The following SMPD4 variants were observed in gnomAD, a reference collection of about 807,000 sequenced individuals.
SMPD4 encodes the protein neutral sphingomyelinase 3.
In SMPD4, 58 loss-of-function variants were observed where a neutral mutation model predicts 97.8. The observed-to-expected ratio is 0.59, with a 90% CI of 0.48 to 0.74. The LOEUF is 0.74. Ranked by LOEUF, SMPD4 falls within the 30% of genes least tolerant of loss-of-function variation. The probability of loss-of-function intolerance (pLI) is 0.00; values close to 1 mark genes in which losing one functional copy is unlikely to be tolerated. For missense variants in SMPD4, 853 were observed against 1,080.5 expected (o/e 0.79, Z 2.95); for synonymous variants, 388 against 450.0 (o/e 0.86, Z 1.74).
At chr2:130,176,852 C>CT (rs1001812883) in intron 1 of SMPD4, among the ~76,000 whole-genome samples, 1 of 151,926 alleles carries the variant, frequency 6.6e-6, no homozygotes, top group Non-Finnish European at 1.5e-5. Flanking sequence ...TAATTTTCTT[C>CT]TTTTTTGAGA....
At chr2:130,176,452 A>G (rs1573732299) in intron 2 of SMPD4, 102 bp downstream of exon 2, 1 of 914,660 alleles carries the variant, frequency 1.1e-6, no homozygotes, top group Middle Eastern at 2.3e-4. Context: ...CCCCTAAAAA[A>G]CAACCACTAC....
rs1288218390 is a variant in SMPD4, at chr2:130,153,705, G to T, written c.1890C>A (p.Phe630Leu). 2 of 1,613,430 alleles carry T rather than the reference G, an allele frequency of 1.2e-6. No homozygotes were observed. Among genetic ancestry groups the T allele is most frequent in the African/African-American group, 1.3e-5 (1 of 74,924 alleles). ...EKALEYLRQI[F>L]RLSEAQLRQF... ...GGGCAGGCCCCATAGCTCGTACCCG[G>T]AATATCTGGCGCAGGTACTCCAGGG... The change falls in exon 17 of 20, where the codon TTC (phenylalanine) becomes TTA (leucine). Residue 630 changes from phenylalanine to leucine, a missense_variant. Around this residue, in one of 3 missense-constraint regions of SMPD4, gnomAD observed 511 missense variants for 608.1 expected, o/e 0.84. Coordinates refer to ENST00000680298, the MANE Select transcript of SMPD4 (RefSeq NM_017951.5).
intron 11 of SMPD4, chr2:130,158,142 TAAG>T (rs1687015852): frequency 1.6e-6 from 2 of 1,213,764 alleles, no homozygotes; most frequent in Non-Finnish European, 2.1e-6. Context: ...GGTTCAAAAA[TAAG>T]AACCCCATGG....
intron 1 of SMPD4, among the ~76,000 whole-genome samples, chr2:130,178,340 C>G (rs772330949): frequency 1.3e-5 from 2 of 152,136 alleles, no homozygotes; most frequent in African/African-American, 4.8e-5. Flanking sequence ...TTCACTTACC[C>G]CCACCCAGCT....
chr2:130,177,368 CAACA>C (rs1689069689), intron 1 of SMPD4, among the ~76,000 whole-genome samples: 3 of 152,120 alleles, frequency 2.0e-5, no homozygotes, highest in Admixed American at 2.0e-4. Flanking sequence ...AGGTGTGAGC[CAACA>C]CGCCTGGCCA....
intron 11 of SMPD4, among the ~76,000 whole-genome samples, chr2:130,159,844 C>A (rs994841255): frequency 3.3e-5 from 5 of 152,092 alleles, no homozygotes; most frequent in African/African-American, 9.7e-5. Context: ...GGGAAGACCT[C>A]CACATGTGAA....
rs781556801 is a variant in SMPD4, at chr2:130,172,791, G to A, written c.450C>T (p.Ala150=). 3 of 1,614,146 alleles carry A rather than the reference G, an allele frequency of 1.9e-6. No homozygotes were observed. Among genetic ancestry groups the A allele is most frequent in the South Asian group, 1.1e-5 (1 of 91,080 alleles). ...TPTGGLGLNL[A]LNPFEYYIFF... is the part of the protein sequence containing the mutation. ...CTCAGGGCCACCAAAGGATACTCAGGGCCAAGTTCAGACCAAGGCCCCCAG... is the reference window on the plus strand; with the variant it reads ...CTCAGGGCCACCAAAGGATACTCAGAGCCAAGTTCAGACCAAGGCCCCCAG... The change falls in exon 6 of 20, where the codon GCC becomes GCT. Residue 150 remains alanine (A), a synonymous_variant. Coordinates refer to ENST00000680298, the MANE Select transcript of SMPD4 (RefSeq NM_017951.5).
chr2:130,176,224 T>C (rs1234449652), intron 2 of SMPD4, among the ~76,000 whole-genome samples: 1 of 152,220 alleles, frequency 6.6e-6, no homozygotes, highest in Non-Finnish European at 1.5e-5. Flanking sequence ...ATTAGAATAC[T>C]TCATATCTAT....
In SMPD4 at chr2:130,167,506, A is replaced by G; in HGVS notation, c.744T>C (p.Asn248=). The G allele has an allele frequency of 6.2e-7, 1 of 1,613,822 alleles. No homozygotes were observed. ...AGATCTCGTGGGAGGCGGGGTCTGC[A>G]TTCACAGACGTCTGATGAGAGATGT... ...KRHISHQTSV[N]ADPASHEIWR... Residue 248 remains asparagine (N), a synonymous_variant, in exon 9 of 20, where the codon AAT becomes AAC. Coordinates refer to ENST00000680298, the MANE Select transcript of SMPD4 (RefSeq NM_017951.5).
rs1228860224 is a variant in SMPD4, at chr2:130,155,985, A to G, written c.1289+50T>C. On this transcript the variant is annotated intron_variant, in intron 14 of 19. Transcript: ENST00000680298. ...CTTGGCCTCCACCCACTGGAACAAT[A>G]TCCACCTGGGGGAGCCAGTGGCATG... is the stretch of plus-strand genomic sequence containing the variant. 2.5e-6 allele frequency: 4 copies of G among 1,572,790 alleles called. No homozygotes were observed. In the East Asian group the frequency reaches 6.8e-5, roughly 27 times the overall value.
intron 11 of SMPD4, among the ~76,000 whole-genome samples, chr2:130,158,981 G>A (rs1334326818): frequency 6.6e-6 from 1 of 152,188 alleles, no homozygotes; most frequent in East Asian, 1.9e-4. Context: ...TGAGTCTGAA[G>A]ATGGAGCTAT....
chr2:130,156,346 C>G (rs1457501087), intron 13 of SMPD4: 26 of 656,708 alleles, frequency 4.0e-5, no homozygotes, highest in Non-Finnish European at 5.3e-5. Context: ...GGGCAGAGTA[C>G]TCCCTGGTCA....
chr2:130,154,614 C>A (rs1206020579), intron 15 of SMPD4, 132 bp from the exon 16 acceptor site: 1 of 1,247,726 alleles, frequency 8.0e-7, no homozygotes, highest in African/African-American at 1.5e-5. Flanking sequence ...GAGGCCCTGC[C>A]TGGCAGCATC....
At chr2:130,165,011 G>A (rs1038935053) in intron 9 of SMPD4, among the ~76,000 whole-genome samples, 2 of 149,852 alleles carry the variant, frequency 1.3e-5, no homozygotes, top group African/African-American at 4.9e-5. Context: ...TTGGGAGTCT[G>A]AGGTGGGAGG....
rs371316712 is a variant in SMPD4, at chr2:130,153,015, C to G, written c.2154+28G>C. The G allele has an allele frequency of 8.4e-5, 135 of 1,600,268 alleles. No homozygotes were observed. In the African/African-American group the frequency reaches 9.8e-4, roughly 12 times the overall value. ...GAGCATCTAGAACCCTCTCTGAAGA[C>G]GCCAGGCCAGCCCTCCTGCCCACTC... is the stretch of plus-strand genomic sequence containing the variant. On this transcript the variant is annotated intron_variant, in intron 19 of 19. Transcript: ENST00000680298.
rs547255577 is a variant in SMPD4, at chr2:130,152,880, G to C, written c.2159C>G (p.Ala720Gly). ...RLSSAINHRF[A>G]GQMAALCSRD... ...GGAACACAGAGCCGCCATCTGTCCT[G>C]CAAACTGAAGCACAGACAGAGGCAC... Residue 720 changes from alanine to glycine, a missense_variant, in exon 20 of 20, where the codon GCA becomes GGA. Physicochemically the swap from Ala to Gly is moderately conservative, Grantham distance 60 (BLOSUM62 0). Around this residue, in one of 3 missense-constraint regions of SMPD4, gnomAD observed 511 missense variants for 608.1 expected, o/e 0.84. Coordinates refer to ENST00000680298, the MANE Select transcript of SMPD4 (RefSeq NM_017951.5). The C allele has an allele frequency of 1.3e-6, 2 of 1,581,054 alleles. No homozygotes were observed. The highest frequency in any genetic ancestry group is 1.7e-5 in the Admixed American group (1 of 57,840).
In SMPD4 at chr2:130,154,385, C is replaced by T. The variant is rs1426081487; in HGVS notation, c.1551G>A (p.Trp517Ter). The T allele has an allele frequency of 2.3e-5, 37 of 1,608,590 alleles. No homozygotes were observed. The highest frequency in any genetic ancestry group is 3.1e-5 in the Non-Finnish European group (37 of 1,177,642). The change falls in exon 16 of 20, where the codon TGG (tryptophan) becomes TGA (stop). Residue 517 changes from tryptophan (W) to a stop codon, truncating the protein, a stop_gained. Coordinates refer to ENST00000680298, the MANE Select transcript of SMPD4 (RefSeq NM_017951.5). LOFTEE classifies it high-confidence loss of function. The part of the protein sequence containing the change: ...PTFTGSFLSP[W>*]PPAVTDASFK... ...AGGAGGCATCAGTGACCGCTGGTGG[C>T]CAGGGTGACAGGAAGCTCCCAGTGA...
intron 11 of SMPD4, among the ~76,000 whole-genome samples, chr2:130,159,806 G>GT (rs769599119): frequency 9.2e-5 from 14 of 152,184 alleles, no homozygotes; most frequent in East Asian, 7.7e-4. Context: ...ATCCTGAGCC[G>GT]TAACATCCTT....
intron 16 of SMPD4, 23 bp downstream of exon 16, chr2:130,154,254 A>G: frequency 6.4e-7 from 1 of 1,564,072 alleles, no homozygotes; most frequent in South Asian, 1.2e-5. Context: ...GGCCCTGAGG[A>G]CAGGCACCGC....
Sources: gnomAD v4.1 joint callset for allele counts (sites outside exome capture counted in the v4.1 genomes callset) on GRCh38, gnomAD v4.1.1 for gene constraint, gnomAD v4.1.1 regional missense constraint, MANE v1.5 for transcripts, NCBI Gene and HGNC (gene_info 2026-07-23, HGNC 2026-07-21) for gene names.